The following AFF1 variants were observed in gnomAD, a reference collection of about 807,000 sequenced individuals.
AFF1 encodes the protein AF4/FMR2 family member 1.
AFF1 carries 48 observed loss-of-function variants against 121.7 expected under a neutral mutation model. That is an observed-to-expected ratio of 0.39 (90% CI 0.31 to 0.50). The LOEUF (loss-of-function observed/expected upper bound fraction) is 0.50, where lower values mean the gene tolerates loss of function less well. AFF1 is among the 20% of genes least tolerant of loss of function. The pLI is 0.76. For missense variants in AFF1, 1,523 were observed against 1,511.7 expected (o/e 1.01, Z -0.12); for synonymous variants, 613 against 563.0 (o/e 1.09, Z -1.26).
intron 2 of AFF1, among the ~76,000 whole-genome samples, chr4:87,000,859 T>G (rs1478851391): frequency 6.6e-6 from 1 of 152,152 alleles, no homozygotes; most frequent in East Asian, 1.9e-4. Flanking sequence ...TTTGTATACA[T>G]TTTTGCTTGT....
At position 87,061,520 on chromosome 4, in the gene AFF1, A is replaced by G. The variant is rs188135889; in HGVS notation, c.1059+13926A>G. ...CCCACAGAGCGTCAGAGACTGTTATATTAATTTAGTTGCCAACATCTAAAA... is the reference window on the plus strand; with the variant it reads ...CCCACAGAGCGTCAGAGACTGTTATGTTAATTTAGTTGCCAACATCTAAAA... On this transcript the variant is annotated intron_variant, in intron 4 of 20. Coordinates refer to ENST00000395146, the MANE Select transcript of AFF1 (RefSeq NM_001166693.3). Among the ~76,000 whole-genome samples, 221 of 152,354 alleles carry G rather than the reference A, an allele frequency of 1.5e-3. 2 individuals carry two copies. Among genetic ancestry groups the G allele is most frequent in the Non-Finnish European group, 1.6e-3 (110 of 68,032 alleles).
intron 4 of AFF1, among the ~76,000 whole-genome samples, chr4:87,051,171 C>T (rs575692706): frequency 2.6e-4 from 40 of 152,284 alleles, no homozygotes; most frequent in African/African-American, 8.7e-4. Context: ...TAAAGTCCTT[C>T]ATTTTGCAAA....
intron 2 of AFF1, among the ~76,000 whole-genome samples, chr4:87,037,140 C>T (rs1729649364): frequency 2.0e-5 from 3 of 152,170 alleles, no homozygotes; most frequent in South Asian, 2.1e-4. Flanking sequence ...TCTTTATCCC[C>T]AGTCTGATGT....
intron 10 of AFF1, 42 bp downstream of exon 10, chr4:87,105,887 A>AT (rs758399331): frequency 1.9e-6 from 3 of 1,605,294 alleles, no homozygotes; most frequent in African/African-American, 1.3e-5. Flanking sequence ...AATGTTTGCA[A>AT]TTTTTTACCA....
intron 2 of AFF1, among the ~76,000 whole-genome samples, chr4:86,979,395 C>T (rs1422868640): frequency 2.0e-5 from 3 of 152,126 alleles, no homozygotes; most frequent in African/African-American, 7.2e-5. Flanking sequence ...CACTGCCCAG[C>T]CTGCCCCTGC....
At chr4:87,110,554 T>A (rs1261692325) in intron 11 of AFF1, among the ~76,000 whole-genome samples, 1 of 151,556 alleles carries the variant, frequency 6.6e-6, no homozygotes, top group African/African-American at 2.4e-5. Flanking sequence ...ATCCTTCTAC[T>A]CTCTATCTCC....
At chr4:87,008,426 GCTT>G (rs1031199970) in intron 2 of AFF1, among the ~76,000 whole-genome samples, 2 of 152,192 alleles carry the variant, frequency 1.3e-5, no homozygotes, top group African/African-American at 4.8e-5. Flanking sequence ...GAAGGAAAGA[GCTT>G]CTCTGTATAA....
chr4:87,053,331 A>G (rs1387159877), intron 4 of AFF1, among the ~76,000 whole-genome samples: 2 of 152,162 alleles, frequency 1.3e-5, no homozygotes, highest in Non-Finnish European at 2.9e-5. Flanking sequence ...GTGTACATTC[A>G]TTGTTGGACC....
At chr4:87,020,723 A>C in intron 2 of AFF1, 1 of 858,780 alleles carries the variant, frequency 1.2e-6, no homozygotes, top group Non-Finnish European at 1.4e-6. Context: ...TGACCTCATG[A>C]TCCGCCTGCC....
At chr4:87,043,275 A>G (rs376710684) in intron 2 of AFF1, among the ~76,000 whole-genome samples, 1 of 152,162 alleles carries the variant, frequency 6.6e-6, no homozygotes, top group Non-Finnish European at 1.5e-5. Context: ...AGACAAGCAC[A>G]TGCCCATGGT....
chr4:87,055,614 CG>C (rs1465641573), intron 4 of AFF1, among the ~76,000 whole-genome samples: 3 of 152,130 alleles, frequency 2.0e-5, no homozygotes, highest in Non-Finnish European at 4.4e-5. Context: ...CATAGCCACC[CG>C]GGTCATTTTA....
chr4:87,000,726 C>T lies in AFF1; in HGVS notation c.39-45440C>T, dbSNP rs1376684856. Among the ~76,000 whole-genome samples, 2 of 150,552 alleles carry T rather than the reference C, an allele frequency of 1.3e-5. 1 individual carries two copies. The highest frequency in any genetic ancestry group is 4.9e-5 in the African/African-American group (2 of 40,850). The stretch of plus-strand genomic sequence containing the variant: ...TTGTAGGCTAATATCCCTGATTGAT[C>T]AGGGTATTAGGGTAAGGAAGGGCAT... On this transcript the variant is annotated intron_variant, in intron 2 of 20. Coordinates refer to ENST00000395146, the MANE Select transcript of AFF1 (RefSeq NM_001166693.3).
chr4:87,067,482 G>T (rs778545751), intron 4 of AFF1, among the ~76,000 whole-genome samples: 17 of 152,234 alleles, frequency 1.1e-4, no homozygotes, highest in Admixed American at 3.9e-4. Context: ...GTGAGTGATG[G>T]ACTACAGTGA....
At chr4:86,974,033 CAA>C (rs1162157740) in intron 2 of AFF1, 1 of 152,206 alleles carries the variant, frequency 6.6e-6, no homozygotes, top group Non-Finnish European at 1.5e-5. Context: ...TAGAAAACAG[CAA>C]AGTGTCACGG....
At chr4:86,937,937 T>A (rs1217995863) in intron 1 of AFF1, among the ~76,000 whole-genome samples, 1 of 152,264 alleles carries the variant, frequency 6.6e-6, no homozygotes, top group East Asian at 1.9e-4. Flanking sequence ...GATTGTTTAG[T>A]TGAAGTTTCA....
chr4:87,105,966 A>G (rs1725872701), intron 10 of AFF1, 121 bp downstream of exon 10: 1 of 1,258,736 alleles, frequency 7.9e-7, no homozygotes. Flanking sequence ...GAAGGATCAC[A>G]GTAAAAGGAA....
Position 86,951,821 on chromosome 4 carries a change from G to A in AFF1, c.38+3250G>A, listed in dbSNP as rs541059409. ...TAGTAGAGACGGGTTTCACCATGTT[G>A]GCCAGGATGGTCTCGATATCTTGAC... On this transcript the variant is annotated intron_variant, in intron 2 of 20. Coordinates refer to ENST00000395146, the MANE Select transcript of AFF1 (RefSeq NM_001166693.3). 1.0e-3 allele frequency among the ~76,000 whole-genome samples: 152 copies of A among 151,506 alleles called. 1 individual carries two copies. Among genetic ancestry groups the A allele is most frequent in the African/African-American group, 3.5e-3 (146 of 41,268 alleles).
At chr4:87,072,869 G>A (rs1256351568) in intron 4 of AFF1, among the ~76,000 whole-genome samples, 1 of 152,042 alleles carries the variant, frequency 6.6e-6, no homozygotes, top group Non-Finnish European at 1.5e-5. Flanking sequence ...GGCGTTTGTC[G>A]AATGATGGAG....
At chr4:86,997,149 T>A (rs1360662236) in intron 2 of AFF1, among the ~76,000 whole-genome samples, 1 of 152,106 alleles carries the variant, frequency 6.6e-6, no homozygotes, top group Non-Finnish European at 1.5e-5. Flanking sequence ...TGAGGTCAGG[T>A]GATCCGCCCG....
Sources: allele counts gnomAD v4.1 joint callset (sites outside exome capture counted in the v4.1 genomes callset), GRCh38; gene constraint gnomAD v4.1.1; transcripts MANE v1.5; gene names NCBI Gene and HGNC (gene_info 2026-07-23, HGNC 2026-07-21).